Variants in MYT1L observed in about 807,000 individuals in gnomAD.
MYT1L encodes myelin transcription factor 1-like protein.
A neutral mutation model predicts 126.7 loss-of-function variants in MYT1L; 12 were observed. That is an observed-to-expected ratio of 0.09 (90% CI 0.06 to 0.15). The LOEUF is 0.15. Among genes scored for constraint, MYT1L ranks in the 10% least tolerant of loss-of-function variants. The probability of loss-of-function intolerance (pLI) is 1.00; values close to 1 mark genes in which losing one functional copy is unlikely to be tolerated. For synonymous variants in MYT1L, 541 were observed against 604.2 expected, an observed-to-expected ratio of 0.90 and a Z score of 1.53; for missense variants, 979 against 1,585.2, an observed-to-expected ratio of 0.62 and a Z score of 6.49.
chr2:2,221,406 G>A (rs1324617354), intron 2 of MYT1L, among the ~76,000 whole-genome samples: 1 of 152,162 alleles, frequency 6.6e-6, no homozygotes. Flanking sequence ...AGTCTGCTCA[G>A]AGCTTGCAAT....
chr2:1,869,601 G>C (rs1206476441), intron 18 of MYT1L, among the ~76,000 whole-genome samples: 1 of 152,220 alleles, frequency 6.6e-6, no homozygotes, highest in African/African-American at 2.4e-5. Context: ...GAATGGTGAT[G>C]AGGCAGGCAG....
In MYT1L at chr2:1,806,294, C is replaced by T. The variant is rs1194559905; in HGVS notation, c.3172+2782G>A. Among the ~76,000 whole-genome samples, 7 of 152,204 alleles carry T rather than the reference C, an allele frequency of 4.6e-5. No homozygotes were observed. The highest frequency in any genetic ancestry group is 1.7e-4 in the African/African-American group (7 of 41,446). ...CTGTTCTCCCAGTGACCTGCAGCTC[C>T]TCTTTTTTACCCATGGACGTGCGTG... On this transcript the variant is annotated intron_variant, in intron 22 of 24. Transcript: ENST00000647738. The surrounding 1 kb of genome is among the most constrained non-coding windows in gnomAD (Gnocchi z 4.9).
At chr2:2,238,107 G>A (rs1202727754) in intron 2 of MYT1L, among the ~76,000 whole-genome samples, 1 of 152,212 alleles carries the variant, frequency 6.6e-6, no homozygotes, top group African/African-American at 2.4e-5. Context: ...ATATTTTTCA[G>A]GATATTGAAT....
At chr2:2,140,695 A>T (rs955475384) in intron 3 of MYT1L, among the ~76,000 whole-genome samples, 5 of 151,930 alleles carry the variant, frequency 3.3e-5, no homozygotes, top group Non-Finnish European at 7.4e-5. Context: ...GGCCTCTCAA[A>T]GTGCTGGGAT....
At chr2:1,792,235 T>C (rs2032237544) in intron 24 of MYT1L, 86 bp downstream of exon 24, 4 of 1,450,638 alleles carry the variant, frequency 2.8e-6, no homozygotes, top group South Asian at 2.8e-5. Context: ...TGAAGAACCA[T>C]GAAAATAACG....
intron 1 of MYT1L, among the ~76,000 whole-genome samples, chr2:2,330,673 C>A (rs1417651317): frequency 1.3e-5 from 2 of 152,128 alleles, no homozygotes; most frequent in Non-Finnish European, 2.9e-5. Flanking sequence ...GTTTCAGTAT[C>A]CTCTTATCCT....
chr2:2,004,766 A>G (rs200928806), intron 4 of MYT1L, among the ~76,000 whole-genome samples: 1,543 of 109,102 alleles, frequency 0.014, 27 homozygotes, highest in African/African-American at 0.053. Context: ...TTTCCTGAAT[A>G]CGTTCTTTCC....
chr2:2,176,622 C>T (rs2090826271), intron 2 of MYT1L, among the ~76,000 whole-genome samples: 1 of 152,020 alleles, frequency 6.6e-6, no homozygotes, highest in Non-Finnish European at 1.5e-5. Flanking sequence ...CTTCAACCTC[C>T]CTAGTAGCTG....
intron 2 of MYT1L, among the ~76,000 whole-genome samples, chr2:2,178,496 C>T (rs917342353): frequency 3.9e-5 from 6 of 152,130 alleles, no homozygotes; most frequent in Non-Finnish European, 5.9e-5. Context: ...AGAACAAAGG[C>T]GGATTGGTGC....
chr2:1,839,480 C>T (rs1430585848), intron 20 of MYT1L, 110 bp from the exon 21 acceptor site: 2 of 958,744 alleles, frequency 2.1e-6, no homozygotes, highest in Non-Finnish European at 3.2e-6. Context: ...CAACCATGCC[C>T]TCCTGGCTGG....
At chr2:1,902,293 C>A (rs758535319) in intron 14 of MYT1L, among the ~76,000 whole-genome samples, 1 of 152,238 alleles carries the variant, frequency 6.6e-6, no homozygotes, top group Non-Finnish European at 1.5e-5. Context: ...TCCCATGAAG[C>A]CCGTGGCACT....
chr2:1,891,898 A>T (rs1020341471), intron 15 of MYT1L, 139 bp downstream of exon 15: 69 of 1,390,838 alleles, frequency 5.0e-5, no homozygotes, highest in Non-Finnish European at 6.0e-5. Context: ...CTAATTGTTC[A>T]CAGTGGCGAG....
chr2:1,952,449 A>G (rs1418416185), intron 8 of MYT1L, among the ~76,000 whole-genome samples: 1 of 152,108 alleles, frequency 6.6e-6, no homozygotes, highest in African/African-American at 2.4e-5. Context: ...TCTTGGAGGT[A>G]GATAAAGTGC....
intron 2 of MYT1L, among the ~76,000 whole-genome samples, chr2:2,208,834 T>C (rs756038697): frequency 6.6e-6 from 1 of 152,198 alleles, no homozygotes; most frequent in Non-Finnish European, 1.5e-5. Flanking sequence ...TTACCTAAAA[T>C]AGAAAAACAG....
intron 3 of MYT1L, among the ~76,000 whole-genome samples, chr2:2,109,875 T>TTATATATATATATATATATA (rs58549168): frequency 1.6e-5 from 1 of 63,888 alleles, no homozygotes; most frequent in Non-Finnish European, 2.9e-5. Flanking sequence ...AGTGCTGATT[T>TTATATATATATATATATATA]TATATATATA....
intron 20 of MYT1L, among the ~76,000 whole-genome samples, 199 bp from the exon 21 acceptor site, chr2:1,839,569 T>C (rs147604567): frequency 2.6e-5 from 4 of 152,374 alleles, no homozygotes; most frequent in East Asian, 3.9e-4. Context: ...CTGTTTCCCC[T>C]GCGCAGAAGG....
At chr2:2,161,167 T>A (rs2087845754) in intron 3 of MYT1L, among the ~76,000 whole-genome samples, 1 of 152,088 alleles carries the variant, frequency 6.6e-6, no homozygotes, top group African/African-American at 2.4e-5. Flanking sequence ...GAGCCGAGAT[T>A]GCACCACTGC....
At chr2:1,832,252 G>T (rs1285523189) in intron 21 of MYT1L, among the ~76,000 whole-genome samples, 2 of 152,192 alleles carry the variant, frequency 1.3e-5, no homozygotes, top group Non-Finnish European at 1.5e-5. Flanking sequence ...CAGTGAGAAG[G>T]CCCCTGTCTG....
chr2:1,843,165 C>G (rs548770771), intron 19 of MYT1L, among the ~76,000 whole-genome samples: 64 of 152,364 alleles, frequency 4.2e-4, no homozygotes, highest in African/African-American at 1.3e-3. Flanking sequence ...TGGCTCGTTC[C>G]CAGCTGCGTG....
Sources: gnomAD v4.1 joint callset for allele counts (sites outside exome capture counted in the v4.1 genomes callset) on GRCh38, gnomAD v4.1.1 for gene constraint, Gnocchi (gnomAD v3.1) non-coding constraint, MANE v1.5 for transcripts, NCBI Gene and HGNC (gene_info 2026-07-23, HGNC 2026-07-21) for gene names.